The following FRMD6 variants were observed in gnomAD, a reference collection of about 807,000 sequenced individuals.
FRMD6 encodes FERM domain-containing protein 6.
In FRMD6, 37 loss-of-function variants were observed where a neutral mutation model predicts 73.2. That is an observed-to-expected ratio of 0.51 (90% CI 0.39 to 0.66). FRMD6 has a LOEUF of 0.66. Ranked by LOEUF, FRMD6 falls within the 30% of genes least tolerant of loss-of-function variation. The probability of loss-of-function intolerance (pLI) is 0.00; values close to 1 mark genes in which losing one functional copy is unlikely to be tolerated. For synonymous variants in FRMD6, 273 were observed against 282.2 expected (o/e 0.97, Z 0.33); for missense variants, 714 against 780.5 (o/e 0.91, Z 1.02).
chr14:51,415,426 G>A, the FRMD6 span, among the ~76,000 whole-genome samples: 195 of 152,048 alleles, frequency 1.3e-3, 1 homozygote, highest in East Asian at 6.2e-3. Context: ...GGTTTTTGTC[G>A]CTGGTTCTGT....
the FRMD6 span, among the ~76,000 whole-genome samples, chr14:51,451,699 G>T: frequency 6.6e-6 from 1 of 152,218 alleles, no homozygotes; most frequent in African/African-American, 2.4e-5. Flanking sequence ...TATTTAGTTC[G>T]CACAAGAGCT....
chr14:51,624,524 T>C (rs1468297324), intron 2 of FRMD6, among the ~76,000 whole-genome samples: 1 of 152,234 alleles, frequency 6.6e-6, no homozygotes, highest in Non-Finnish European at 1.5e-5. Context: ...TCTTCCTGGC[T>C]TTTAATACTG....
At chr14:51,455,970 C>A in the FRMD6 span, among the ~76,000 whole-genome samples, 1 of 152,098 alleles carries the variant, frequency 6.6e-6, no homozygotes, top group Non-Finnish European at 1.5e-5. Context: ...TGCCTGATCT[C>A]CCTGTTATTT....
At chr14:51,595,672 A>T (rs1478275514) in intron 2 of FRMD6, among the ~76,000 whole-genome samples, 1 of 152,198 alleles carries the variant, frequency 6.6e-6, no homozygotes, top group Non-Finnish European at 1.5e-5. Flanking sequence ...ATTAATGAGG[A>T]TGAATTGAAG....
At chr14:51,602,112 A>G (rs1344005115) in intron 2 of FRMD6, among the ~76,000 whole-genome samples, 2 of 152,218 alleles carry the variant, frequency 1.3e-5, no homozygotes, top group Admixed American at 1.3e-4. Flanking sequence ...GTTGATCCCC[A>G]CTAATCACTC....
chr14:51,544,593 A>G (rs1886366183), intron 1 of FRMD6, among the ~76,000 whole-genome samples: 2 of 151,762 alleles, frequency 1.3e-5, no homozygotes, highest in Admixed American at 1.3e-4. Context: ...CATGCCTTGA[A>G]TTCTCCAAAG....
chr14:51,552,592 A>G (rs1886902489), intron 1 of FRMD6, among the ~76,000 whole-genome samples: 1 of 152,242 alleles, frequency 6.6e-6, no homozygotes, highest in African/African-American at 2.4e-5. Context: ...GGCAGCCACT[A>G]CTGAACTTTC....
At chr14:51,634,823 A>G (rs1231295104) in intron 2 of FRMD6, among the ~76,000 whole-genome samples, 7 of 152,188 alleles carry the variant, frequency 4.6e-5, no homozygotes, top group Non-Finnish European at 8.8e-5. Flanking sequence ...TAACTGCTTC[A>G]AGCTTCAGTT....
chr14:51,402,941 G>A, the FRMD6 span, among the ~76,000 whole-genome samples: 1 of 151,294 alleles, frequency 6.6e-6, no homozygotes, highest in South Asian at 2.1e-4. Context: ...CCCAGCTAGG[G>A]TATATCTTTA....
chr14:51,421,770 G>C, the FRMD6 span, among the ~76,000 whole-genome samples: 2 of 152,330 alleles, frequency 1.3e-5, no homozygotes, highest in African/African-American at 4.8e-5. Flanking sequence ...CCCTGAGTTT[G>C]GTAAAGCTGC....
intron 2 of FRMD6, among the ~76,000 whole-genome samples, chr14:51,638,159 C>T (rs569418114): frequency 6.0e-4 from 92 of 152,260 alleles, no homozygotes; most frequent in Non-Finnish European, 1.0e-3. Context: ...TTGCATAAGC[C>T]TGTAGTCGTC....
upstream of FRMD6, among the ~76,000 whole-genome samples, chr14:51,486,356 G>A (rs1882761140): frequency 1.3e-5 from 2 of 152,118 alleles, no homozygotes; most frequent in Admixed American, 6.5e-5. Flanking sequence ...CACTTTCTTT[G>A]TGGGAGTCTG....
chr14:51,717,680 C>G (rs1897310997), intron 10 of FRMD6, among the ~76,000 whole-genome samples: 1 of 152,136 alleles, frequency 6.6e-6, no homozygotes, highest in African/African-American at 2.4e-5. Flanking sequence ...AATCCAAGAT[C>G]TCACCCCCAT....
At chr14:51,627,281 A>G (rs987097482) in intron 2 of FRMD6, among the ~76,000 whole-genome samples, 5 of 152,262 alleles carry the variant, frequency 3.3e-5, no homozygotes, top group African/African-American at 9.6e-5. Flanking sequence ...ATTTTCTTCA[A>G]TAACATAAAT....
At chr14:51,575,980 G>C (rs1032486474) in intron 2 of FRMD6, 8 of 152,354 alleles carry the variant, frequency 5.3e-5, no homozygotes, top group Non-Finnish European at 1.2e-4. Flanking sequence ...TTGTAGCCAG[G>C]AGCCAGAATA....
the FRMD6 span, among the ~76,000 whole-genome samples, chr14:51,444,209 G>A: frequency 3.9e-5 from 6 of 152,350 alleles, no homozygotes; most frequent in East Asian, 1.9e-4. Flanking sequence ...GATTACAGGC[G>A]TGAGCCACCA....
At chr14:51,598,239 A>G (rs1247209360) in intron 2 of FRMD6, among the ~76,000 whole-genome samples, 1 of 152,174 alleles carries the variant, frequency 6.6e-6, no homozygotes, top group Non-Finnish European at 1.5e-5. Context: ...ATTATAATCT[A>G]TAATCACAGA....
At chr14:51,547,416 A>C (rs1886535027) in intron 1 of FRMD6, among the ~76,000 whole-genome samples, 1 of 152,092 alleles carries the variant, frequency 6.6e-6, no homozygotes, top group African/African-American at 2.4e-5. Flanking sequence ...AACCCTCCTC[A>C]TGGAGTCACA....
intron 1 of FRMD6, among the ~76,000 whole-genome samples, chr14:51,568,341 T>C (rs1050589621): frequency 1.3e-5 from 2 of 152,262 alleles, no homozygotes; most frequent in Non-Finnish European, 2.9e-5. Context: ...CTGGGCCTTC[T>C]TCTTACAGTG....
Sources: gnomAD v4.1 joint callset for allele counts (sites outside exome capture counted in the v4.1 genomes callset) on GRCh38, gnomAD v4.1.1 for gene constraint, MANE v1.5 for transcripts, NCBI Gene and HGNC (gene_info 2026-07-23, HGNC 2026-07-21) for gene names.